Variants in ATXN10 observed in about 807,000 individuals in gnomAD.
ATXN10 encodes ataxin-10.
In ATXN10, 28 loss-of-function variants were observed where a neutral mutation model predicts 52.9. The ratio of observed to expected loss-of-function variants is 0.53; its 90% CI spans 0.39 to 0.73. The LOEUF (loss-of-function observed/expected upper bound fraction) is 0.73. ATXN10 is among the 30% of genes least tolerant of loss of function. The probability of loss-of-function intolerance (pLI) is 0.00; values close to 1 mark genes in which losing one functional copy is unlikely to be tolerated. For missense variants in ATXN10, 565 were observed against 577.0 expected, an observed-to-expected ratio of 0.98 and a Z score of 0.21; for synonymous variants, 226 against 221.5, an observed-to-expected ratio of 1.02 and a Z score of -0.18.
chr22:45,704,545 G>A (rs1923965890), intron 5 of ATXN10, among the ~76,000 whole-genome samples: 2 of 152,056 alleles, frequency 1.3e-5, no homozygotes, highest in Admixed American at 1.3e-4. Flanking sequence ...TGATGGTATT[G>A]CAAATGGAAG....
intron 7 of ATXN10, among the ~76,000 whole-genome samples, chr22:45,731,105 A>T (rs1925073506): frequency 6.6e-6 from 1 of 152,122 alleles, no homozygotes; most frequent in South Asian, 2.1e-4. Context: ...GTTTTTATCT[A>T]TTCTCCCTTT....
At chr22:45,813,781 A>G (rs1216668786) in intron 10 of ATXN10, among the ~76,000 whole-genome samples, 1 of 152,236 alleles carries the variant, frequency 6.6e-6, no homozygotes, top group African/African-American at 2.4e-5. Flanking sequence ...TTTCTCAACA[A>G]ATAAGTGTTT....
rs1182696572 is a variant in ATXN10 at position 45,772,290 on chromosome 22, T to G, written c.1173+31752T>G. On this transcript the variant is annotated intron_variant, in intron 9 of 11. Coordinates refer to ENST00000252934, the MANE Select transcript of ATXN10 (RefSeq NM_013236.4). This position sits in a 1 kb window ranked among gnomAD's most constrained non-coding sequence, Gnocchi z 4.1. The stretch of plus-strand genomic sequence containing the variant: ...AGGTCAAGGTTCATTGTTTTGCAAA[T>G]GGATGATGAATTATTCTAGCAGCAT... 6.6e-6 allele frequency among the ~76,000 whole-genome samples: 1 copy of G among 152,220 alleles called. No individual in the cohort carries two copies. The highest frequency in any genetic ancestry group is 1.5e-5 in the Non-Finnish European group (1 of 68,038).
rs1929064997 is a variant in ATXN10 at position 45,833,653 on chromosome 22, A to G, written c.1238-9338A>G. Among the ~76,000 whole-genome samples, 1 of 152,168 alleles carries G rather than the reference A, an allele frequency of 6.6e-6. No homozygotes were observed. Among genetic ancestry groups the G allele is most frequent in the South Asian group, 2.1e-4 (1 of 4,830 alleles). On this transcript the variant is annotated intron_variant, in intron 10 of 11. Coordinates refer to ENST00000252934, the MANE Select transcript of ATXN10 (RefSeq NM_013236.4). The surrounding 1 kb of genome is among the most constrained non-coding windows in gnomAD (Gnocchi z 4.3). ...CTAAAGGTATTTTGCAGAGATAGTT[A>G]CTCTGACTGGTATCTGCAAGTTTAT...
rs1216545868 is a variant in ATXN10 at position 45,786,309 on chromosome 22, T to C, written c.1174-20650T>C. ...GAGAATGCTACTCACTACTTTACCC[T>C]ATTGAGTTTTGCCATAGAACTGTAG... On this transcript the variant is annotated intron_variant, in intron 9 of 11. Transcript: ENST00000252934. This position sits in a 1 kb window ranked among gnomAD's most constrained non-coding sequence, Gnocchi z 4.1. 1.3e-5 allele frequency among the ~76,000 whole-genome samples: 2 copies of C among 152,236 alleles called. No individual in the cohort carries two copies. Among genetic ancestry groups the C allele is most frequent in the Non-Finnish European group, 2.9e-5 (2 of 68,038 alleles).
rs193259537 is a variant in ATXN10 at position 45,816,649 on chromosome 22, C to T, written c.1237+9627C>T. On this transcript the variant is annotated intron_variant, in intron 10 of 11. Coordinates refer to ENST00000252934, the MANE Select transcript of ATXN10 (RefSeq NM_013236.4). The surrounding 1 kb of genome is among the most constrained non-coding windows in gnomAD (Gnocchi z 5.8). ...CCCAGGGGACTGTTTCCAAAATGTG[C>T]TCCAAAGCATATTTTGTCTATAGTA... Among the ~76,000 whole-genome samples, 1 of 152,334 alleles carries T rather than the reference C, an allele frequency of 6.6e-6. No homozygotes were observed. Among genetic ancestry groups the T allele is most frequent in the East Asian group, 1.9e-4 (1 of 5,184 alleles).
At chr22:45,813,329 G>A (rs1928346698) in intron 10 of ATXN10, among the ~76,000 whole-genome samples, 1 of 146,180 alleles carries the variant, frequency 6.8e-6, no homozygotes, top group African/African-American at 2.6e-5. Flanking sequence ...CTTGATGTGG[G>A]TTTGTTTTTT....
chr22:45,739,600 C>T (rs1925431256), intron 8 of ATXN10, among the ~76,000 whole-genome samples: 1 of 152,194 alleles, frequency 6.6e-6, no homozygotes, highest in African/African-American at 2.4e-5. Context: ...AAACCTAGCA[C>T]ACTTGAGTGA....
intron 1 of ATXN10, among the ~76,000 whole-genome samples, chr22:45,686,351 G>A (rs1337782639): frequency 2.0e-5 from 3 of 152,186 alleles, no homozygotes; most frequent in African/African-American, 7.2e-5. Context: ...GAATAAGATA[G>A]TCTCCATTTT....
chr22:45,738,244 T>C (rs949084674), intron 7 of ATXN10, among the ~76,000 whole-genome samples: 8 of 152,246 alleles, frequency 5.3e-5, no homozygotes, highest in African/African-American at 1.2e-4. Context: ...CCAGAAATTA[T>C]GCAAGTTCTT....
At chr22:45,758,405 C>T (rs1357964393) in intron 9 of ATXN10, among the ~76,000 whole-genome samples, 2 of 152,214 alleles carry the variant, frequency 1.3e-5, no homozygotes, top group Non-Finnish European at 2.9e-5. Flanking sequence ...ATATTCATGG[C>T]TTGAGCTATA....
Position 45,828,578 on chromosome 22 carries a change from C to G in ATXN10, c.1238-14413C>G, listed in dbSNP as rs913216476. Among the ~76,000 whole-genome samples, 1 of 152,046 alleles carries G rather than the reference C, an allele frequency of 6.6e-6. No individual in the cohort carries two copies. The highest frequency in any genetic ancestry group is 1.5e-5 in the Non-Finnish European group (1 of 67,990). ...GAAAGTGGGGACATTACTACTGATT[C>G]TACAGAAATAAAAAGGGTTGCAAGA... On this transcript the variant is annotated intron_variant, in intron 10 of 11. Transcript: ENST00000252934. The surrounding 1 kb of genome is among the most constrained non-coding windows in gnomAD (Gnocchi z 4.5).
chr22:45,679,868 C>A (rs748884011), intron 1 of ATXN10: 2 of 152,192 alleles, frequency 1.3e-5, no homozygotes, highest in East Asian at 3.8e-4. Flanking sequence ...CTCATACATT[C>A]AATTATCTTA....
rs578050053 is a variant in ATXN10, at chr22:45,677,192, C to T, written c.116+5013C>T. 1 of 152,292 alleles carries T rather than the reference C, an allele frequency of 6.6e-6. No individual in the cohort carries two copies. Among genetic ancestry groups the T allele is most frequent in the East Asian group, 1.9e-4 (1 of 5,192 alleles). 9.4% of individuals were successfully genotyped at this position (152,292 alleles called of 1,614,324 possible). A position where few individuals can be genotyped will look rare whatever the true frequency, so the allele number is the denominator to read the frequency against. Reference sequence around the variant, plus strand: ...GATGCTGCTTTCTATAAATTCATCTCATACTTAAACTGATACCTCATTGGT... The same window carrying T: ...GATGCTGCTTTCTATAAATTCATCTTATACTTAAACTGATACCTCATTGGT... On this transcript the variant is annotated intron_variant, in intron 1 of 11. Coordinates refer to ENST00000252934, the MANE Select transcript of ATXN10 (RefSeq NM_013236.4). This position sits in a 1 kb window ranked among gnomAD's most constrained non-coding sequence, Gnocchi z 4.1.
rs1183300298 is a variant in ATXN10 at position 45,688,926 on chromosome 22, T to C, written c.117-786T>C. Among the ~76,000 whole-genome samples, 1 of 152,154 alleles carries C rather than the reference T, an allele frequency of 6.6e-6. No individual in the cohort carries two copies. Among genetic ancestry groups the C allele is most frequent in the Admixed American group, 6.5e-5 (1 of 15,276 alleles). ...TGCAATGTTGCACAAAAAATTCTTA[T>C]CTTTAGAGCTCTGGAATGATAGCCA... On this transcript the variant is annotated intron_variant, in intron 1 of 11. Coordinates refer to ENST00000252934, the MANE Select transcript of ATXN10 (RefSeq NM_013236.4). The surrounding 1 kb of genome is among the most constrained non-coding windows in gnomAD (Gnocchi z 4.0).
At position 45,757,118 on chromosome 22, in the gene ATXN10, T is replaced by C. The variant is rs1444581354; in HGVS notation, c.1173+16580T>C. On this transcript the variant is annotated intron_variant, in intron 9 of 11. Transcript: ENST00000252934. This position sits in a 1 kb window ranked among gnomAD's most constrained non-coding sequence, Gnocchi z 4.6. ...TCTGCACCTGCAGCTCTGGACGGACTGCCTGGGGCTGGGGCTGTGGAGGCG... is the reference window on the plus strand; with the variant it reads ...TCTGCACCTGCAGCTCTGGACGGACCGCCTGGGGCTGGGGCTGTGGAGGCG... 6.6e-6 allele frequency among the ~76,000 whole-genome samples: 1 copy of C among 151,934 alleles called. No homozygotes were observed. The highest frequency in any genetic ancestry group is 2.1e-4 in the South Asian group (1 of 4,818).
At chr22:45,722,549 A>G (rs892627111) in intron 6 of ATXN10, among the ~76,000 whole-genome samples, 1 of 152,152 alleles carries the variant, frequency 6.6e-6, no homozygotes, top group African/African-American at 2.4e-5. Context: ...TAGCTCTCTC[A>G]TCTTGTAACC....
At chr22:45,829,067 C>T (rs888911366) in intron 10 of ATXN10, among the ~76,000 whole-genome samples, 2 of 152,134 alleles carry the variant, frequency 1.3e-5, no homozygotes, top group African/African-American at 4.8e-5. Flanking sequence ...GGTGGTTCAA[C>T]ATACTGAAAT....
chr22:45,816,401 A>C lies in ATXN10; in HGVS notation c.1237+9379A>C, dbSNP rs1254509986. On this transcript the variant is annotated intron_variant, in intron 10 of 11. Transcript: ENST00000252934. This position sits in a 1 kb window ranked among gnomAD's most constrained non-coding sequence, Gnocchi z 5.8. ...TCTTTCCTCCTTTTAGACTTCGGTC[A>C]TGTATGTCTTCCTCTCAGAGTTCTT... Among the ~76,000 whole-genome samples the C allele has an allele frequency of 6.6e-6, 1 of 152,202 alleles. No homozygotes were observed. The highest frequency in any genetic ancestry group is 1.5e-5 in the Non-Finnish European group (1 of 68,030).
Sources: allele counts gnomAD v4.1 joint callset (sites outside exome capture counted in the v4.1 genomes callset), GRCh38; gene constraint gnomAD v4.1.1; non-coding constraint Gnocchi (gnomAD v3.1); transcripts MANE v1.5; gene names NCBI Gene and HGNC (gene_info 2026-07-23, HGNC 2026-07-21).